TAB2: variants seen among roughly 807,000 people sequenced by gnomAD.
The protein encoded by TAB2 is TGF-beta activated kinase 1 (MAP3K7) binding protein 2.
TAB2 carries 3 observed loss-of-function variants against 65.0 expected under a neutral mutation model. That is an observed-to-expected ratio of 0.05 (90% CI 0.02 to 0.12). TAB2 has a LOEUF of 0.12. Among genes scored for constraint, TAB2 ranks in the 10% least tolerant of loss-of-function variants. TAB2 has a pLI of 1.00. For synonymous variants in TAB2, 298 were observed against 285.1 expected (o/e 1.05, Z -0.46); for missense variants, 623 against 840.3 (o/e 0.74, Z 3.20).
At position 149,369,671 on chromosome 6, in the gene TAB2, G is replaced by A. The variant is rs35375829; in HGVS notation, c.-89-238G>A. Among the ~76,000 whole-genome samples the A allele has an allele frequency of 8.3e-3, 1,260 of 152,144 alleles. 19 individuals carry two copies. Among genetic ancestry groups the A allele is most frequent in the African/African-American group, 0.029 (1,219 of 41,520 alleles). On this transcript the variant is annotated intron_variant, in intron 1 of 6. Coordinates refer to ENST00000637181, the MANE Select transcript of TAB2 (RefSeq NM_001292034.3). ...GTAATTTCTTACTTGAATGCTTTTT[G>A]GCTCAGCCATTATAGAGCATATAAA...
chr6:149,246,179 A>T (rs937213594), intron 1 of TAB2: 1 of 152,180 alleles, frequency 6.6e-6, no homozygotes, highest in Non-Finnish European at 1.5e-5. Flanking sequence ...GGCCTCCCAA[A>T]GTGCTGGGAT....
chr6:149,310,873 C>G (rs652070), intron 1 of TAB2, among the ~76,000 whole-genome samples: 67,438 of 152,054 alleles, frequency 0.44, 15,412 homozygotes, highest in African/African-American at 0.57. Flanking sequence ...CCCTCACCCC[C>G]TATTTTCCTT....
chr6:149,241,439 G>T (rs1583040079), intron 1 of TAB2, among the ~76,000 whole-genome samples: 1 of 152,282 alleles, frequency 6.6e-6, no homozygotes, highest in East Asian at 1.9e-4. Flanking sequence ...ATTATAAATT[G>T]TTGTATTTGT....
At position 149,322,547 on chromosome 6, in the gene TAB2, T is replaced by C. The variant is rs183255756; in HGVS notation, c.-90+4532T>C. On this transcript the variant is annotated intron_variant, in intron 1 of 6. Transcript: ENST00000637181. ...AGTTTTTAATCCTGGTTTTGCCACT[T>C]AGTAGCTTTGCCACTAGATTTGGGA... Among the ~76,000 whole-genome samples, 8 of 152,280 alleles carry C rather than the reference T, an allele frequency of 5.3e-5. No individual in the cohort carries two copies. The East Asian group carries it at 9.6e-4, about 18-fold the overall frequency.
chr6:149,358,670 GTGTT>G (rs1780749568), intron 1 of TAB2, among the ~76,000 whole-genome samples: 1 of 151,522 alleles, frequency 6.6e-6, no homozygotes, highest in African/African-American at 2.4e-5. Context: ...GTGTGTGTGT[GTGTT>G]TTCAGTATAT....
At chr6:149,400,701 TC>T in intron 6 of TAB2, 1 of 1,607,040 alleles carries the variant, frequency 6.2e-7, no homozygotes, top group Non-Finnish European at 8.5e-7. Context: ...GCTTCTTTAC[TC>T]CAGAACGCTG....
At chr6:149,259,175 G>T (rs886590188) in intron 1 of TAB2, among the ~76,000 whole-genome samples, 2 of 152,062 alleles carry the variant, frequency 1.3e-5, no homozygotes, top group Non-Finnish European at 2.9e-5. Flanking sequence ...GGTCATTTTC[G>T]ACAGTAACAA....
chr6:149,360,025 A>T (rs1780791412), intron 1 of TAB2, among the ~76,000 whole-genome samples: 1 of 152,212 alleles, frequency 6.6e-6, no homozygotes. Context: ...GTTTAAAGTG[A>T]GATACCAGTA....
intron 3 of TAB2, among the ~76,000 whole-genome samples, chr6:149,386,673 T>C (rs1284342096): frequency 6.6e-6 from 1 of 152,238 alleles, no homozygotes; most frequent in Non-Finnish European, 1.5e-5. Context: ...TTTTGTTTTT[T>C]TCCACCTTTT....
At chr6:149,388,980 G>A (rs1053804819) in intron 3 of TAB2, among the ~76,000 whole-genome samples, 5 of 128,774 alleles carry the variant, frequency 3.9e-5, no homozygotes, top group African/African-American at 9.2e-5. Context: ...TTTTGAGATC[G>A]AGTCTTGCTC....
chr6:149,379,996 TTGGGAGGCCAAGA>T, intron 3 of TAB2: 1 of 449,786 alleles, frequency 2.2e-6, no homozygotes, highest in South Asian at 1.6e-5. Flanking sequence ...TTCCAGTGCT[TTGGGAGGCCAAGA>T]TGGGAGGATC....
chr6:149,331,313 A>G (rs556774738), intron 1 of TAB2, among the ~76,000 whole-genome samples: 1 of 152,240 alleles, frequency 6.6e-6, no homozygotes, highest in East Asian at 1.9e-4. Flanking sequence ...TATTTTTTAG[A>G]ACAATTGTAA....
intron 6 of TAB2, chr6:149,400,469 T>C (rs1394024604): frequency 6.2e-7 from 1 of 1,614,264 alleles, no homozygotes; most frequent in East Asian, 2.2e-5. Context: ...CGGGACAGGA[T>C]GGTTCTGTGG....
intron 1 of TAB2, among the ~76,000 whole-genome samples, chr6:149,234,145 T>C (rs1025343465): frequency 3.9e-5 from 6 of 152,208 alleles, no homozygotes; most frequent in Non-Finnish European, 8.8e-5. Context: ...GCTCCTAGTA[T>C]GAAGTTTTCA....
At chr6:149,296,578 G>A (rs1778880919) in intron 1 of TAB2, among the ~76,000 whole-genome samples, 1 of 152,118 alleles carries the variant, frequency 6.6e-6, no homozygotes, top group South Asian at 2.1e-4. Context: ...AAGGAGAGGG[G>A]AAATTGATTT....
intron 1 of TAB2, among the ~76,000 whole-genome samples, chr6:149,224,491 C>A (rs1184356211): frequency 6.6e-6 from 1 of 152,158 alleles, no homozygotes; most frequent in Non-Finnish European, 1.5e-5. Context: ...CTGGGCTGAA[C>A]TCTGAAATGA....
At chr6:149,292,621 T>C (rs966218066) in intron 1 of TAB2, among the ~76,000 whole-genome samples, 1 of 152,076 alleles carries the variant, frequency 6.6e-6, no homozygotes, top group Admixed American at 6.6e-5. Flanking sequence ...AGGATTCAAA[T>C]AGGTAAATTA....
rs1186634386 is a variant in TAB2, at chr6:149,378,323, C to G, written c.408C>G (p.Gly136=). ...CAGCACCAGCTCAAGTTCCTCAAGG[C>G]TTTAATGTTTTTGGAATGTCCAGTT... ...PQTAPAQVPQ[G]FNVFGMSSSS... is the part of the protein sequence containing the mutation. The change falls in exon 3 of 7, where the codon GGC becomes GGG. Residue 136 remains glycine (G), a synonymous_variant. Transcript: ENST00000637181. 6 of 1,614,190 alleles carry G rather than the reference C, an allele frequency of 3.7e-6. No homozygotes were observed. In the South Asian group the frequency reaches 6.6e-5, roughly 18 times the overall value.
At chr6:149,278,033 A>T (rs904035515) in intron 1 of TAB2, among the ~76,000 whole-genome samples, 1 of 152,188 alleles carries the variant, frequency 6.6e-6, no homozygotes, top group South Asian at 2.1e-4. Context: ...TAGCGAAGCT[A>T]ATTTGTCTCC....
Sources: allele counts gnomAD v4.1 joint callset (sites outside exome capture counted in the v4.1 genomes callset), GRCh38; gene constraint gnomAD v4.1.1; transcripts MANE v1.5; gene names NCBI Gene and HGNC (gene_info 2026-07-23, HGNC 2026-07-21).